Variants in BMPR1B observed in about 807,000 individuals in gnomAD.
The protein encoded by BMPR1B is bone morphogenetic protein receptor type 1B.
A neutral mutation model predicts 59.1 loss-of-function variants in BMPR1B; 12 were observed. That is an observed-to-expected ratio of 0.20 (90% CI 0.13 to 0.33). The LOEUF (loss-of-function observed/expected upper bound fraction) is 0.33. Ranked by LOEUF, BMPR1B falls within the 10% of genes least tolerant of loss-of-function variation. BMPR1B has a pLI of 1.00. For synonymous variants in BMPR1B, 237 were observed against 207.3 expected, an observed-to-expected ratio of 1.14 and a Z score of -1.23; for missense variants, 550 against 610.9, an observed-to-expected ratio of 0.90 and a Z score of 1.05.
At chr4:95,080,322 C>T (rs762680848) in intron 3 of BMPR1B, among the ~76,000 whole-genome samples, 1 of 151,924 alleles carries the variant, frequency 6.6e-6, no homozygotes, top group Non-Finnish European at 1.5e-5. Context: ...CTGCAACCTC[C>T]ACCTCCTGGG....
chr4:94,814,970 CT>C (rs1409062878), intron 1 of BMPR1B, among the ~76,000 whole-genome samples: 1 of 152,046 alleles, frequency 6.6e-6, no homozygotes, highest in Admixed American at 6.5e-5. Flanking sequence ...ATGGCGCCAT[CT>C]TGGCTCACTG....
chr4:94,861,882 G>A (rs1177313705), intron 1 of BMPR1B, among the ~76,000 whole-genome samples: 2 of 152,110 alleles, frequency 1.3e-5, no homozygotes, highest in African/African-American at 2.4e-5. Flanking sequence ...TTTACATTGT[G>A]TATTCTCTGA....
chr4:94,937,990 T>A (rs1729384013), intron 2 of BMPR1B, among the ~76,000 whole-genome samples: 1 of 152,222 alleles, frequency 6.6e-6, no homozygotes, highest in South Asian at 2.1e-4. Context: ...AGGCAGATGT[T>A]GATCATTTTA....
At chr4:95,127,469 GA>G (rs972200484) in intron 8 of BMPR1B, among the ~76,000 whole-genome samples, 17 of 151,762 alleles carry the variant, frequency 1.1e-4, no homozygotes, top group South Asian at 1.0e-3. Context: ...ATTATCGTTA[GA>G]AAAAAAAGCA....
At chr4:94,912,934 T>A (rs1728341663) in intron 2 of BMPR1B, among the ~76,000 whole-genome samples, 1 of 151,912 alleles carries the variant, frequency 6.6e-6, no homozygotes, top group Admixed American at 6.6e-5. Flanking sequence ...ATTCTGATTT[T>A]CCTTCATTTC....
At chr4:94,804,061 G>A (rs899771065) in intron 1 of BMPR1B, among the ~76,000 whole-genome samples, 8 of 152,026 alleles carry the variant, frequency 5.3e-5, no homozygotes, top group Admixed American at 2.6e-4. Context: ...TGTATTTTTA[G>A]TAGAGATGGG....
At chr4:94,930,031 C>T (rs1389666848) in intron 2 of BMPR1B, among the ~76,000 whole-genome samples, 1 of 152,066 alleles carries the variant, frequency 6.6e-6, no homozygotes, top group Non-Finnish European at 1.5e-5. Context: ...CTCCTTAATA[C>T]TTCTCAGGTA....
intron 1 of BMPR1B, among the ~76,000 whole-genome samples, chr4:94,760,722 G>T (rs1721729816): frequency 6.6e-6 from 1 of 152,174 alleles, no homozygotes; most frequent in Non-Finnish European, 1.5e-5. Context: ...TTATCTCATT[G>T]AGGTGAGATA....
In BMPR1B at chr4:95,104,908, T is replaced by TTTTGTTTG. The variant is rs3841975; in HGVS notation, c.143+361_143+368dup. Among the ~76,000 whole-genome samples the TTTTGTTTG allele has an allele frequency of 2.2e-3, 337 of 151,430 alleles. 2 individuals are homozygous for TTTTGTTTG. Among genetic ancestry groups the TTTTGTTTG allele is most frequent in the African/African-American group, 8.0e-3 (329 of 41,234 alleles). On this transcript the variant is annotated intron_variant, in intron 4 of 12. Transcript: ENST00000515059. ...ATCAGAGGCTGTCAAATGCGTGTGA[T>TTTTGTTTG]TTTGTTTGTTTGTTTGTTTGTTTGT...
intron 3 of BMPR1B, among the ~76,000 whole-genome samples, chr4:95,098,549 A>G (rs2149258645): frequency 6.6e-6 from 1 of 150,866 alleles, no homozygotes; most frequent in African/African-American, 2.4e-5. Context: ...TTTTATTTTT[A>G]CTTATTTATT....
intron 1 of BMPR1B, among the ~76,000 whole-genome samples, chr4:94,801,529 T>C (rs1227604755): frequency 6.6e-6 from 1 of 152,192 alleles, no homozygotes; most frequent in Non-Finnish European, 1.5e-5. Flanking sequence ...TAACATTAGC[T>C]GCTGTTAGAT....
chr4:95,060,482 G>T (rs148231498), intron 3 of BMPR1B, among the ~76,000 whole-genome samples: 37 of 152,302 alleles, frequency 2.4e-4, no homozygotes, highest in African/African-American at 8.9e-4. Context: ...CAATGATGAA[G>T]AAGGGATAAG....
Position 94,916,374 on chromosome 4 carries a change from C to T in BMPR1B, c.-113+40474C>T, listed in dbSNP as rs145134128. ...CTGATAGTGATATGTACAGTGAAGG[C>T]CAGGCTGCCGAGGTCTCAAATGGAA... On this transcript the variant is annotated intron_variant, in intron 2 of 12. Coordinates refer to ENST00000515059, the MANE Select transcript of BMPR1B (RefSeq NM_001203.3). Among the ~76,000 whole-genome samples the T allele has an allele frequency of 6.4e-3, 981 of 152,252 alleles. 6 individuals are homozygous for T. Among genetic ancestry groups the T allele is most frequent in the Middle Eastern group, 0.01 (3 of 294 alleles).
chr4:94,979,095 A>G (rs1001973929), intron 2 of BMPR1B, among the ~76,000 whole-genome samples: 7 of 152,250 alleles, frequency 4.6e-5, no homozygotes, highest in African/African-American at 1.7e-4. Flanking sequence ...CATGAGAACA[A>G]CACAGGAAAA....
intron 4 of BMPR1B, among the ~76,000 whole-genome samples, chr4:95,107,622 A>T (rs1022042246): frequency 5.9e-5 from 9 of 152,084 alleles, no homozygotes; most frequent in Admixed American, 1.3e-4. Flanking sequence ...TATTCATTAT[A>T]ACATTCCTAT....
intron 3 of BMPR1B, among the ~76,000 whole-genome samples, chr4:95,046,209 G>A (rs1351694615): frequency 1.3e-5 from 2 of 151,916 alleles, no homozygotes; most frequent in African/African-American, 4.8e-5. Flanking sequence ...CACTGTGTCC[G>A]GCTTTAATTG....
At chr4:95,002,981 G>A (rs1237133339) in intron 3 of BMPR1B, among the ~76,000 whole-genome samples, 1 of 150,458 alleles carries the variant, frequency 6.6e-6, no homozygotes, top group Non-Finnish European at 1.5e-5. Flanking sequence ...TTCTGGTTTA[G>A]AATGTTCCTT....
In BMPR1B at chr4:94,957,034, A is replaced by G. The variant is rs185860210; in HGVS notation, c.-112-39006A>G. On this transcript the variant is annotated intron_variant, in intron 2 of 12. Transcript: ENST00000515059. ...ACTATGTTGATACACACAGCATTCA[A>G]TGACTGTTACTGGTTTATTCATTTG... 1.2e-3 allele frequency among the ~76,000 whole-genome samples: 183 copies of G among 152,332 alleles called. 4 individuals carry two copies. Among genetic ancestry groups the G allele is most frequent in the African/African-American group, 4.3e-3 (178 of 41,566 alleles).
intron 3 of BMPR1B, among the ~76,000 whole-genome samples, chr4:95,082,370 A>G (rs1729226572): frequency 6.6e-6 from 1 of 152,084 alleles, no homozygotes; most frequent in Admixed American, 6.5e-5. Context: ...CGCAGAGCAC[A>G]GAGCTTTACT....
Sources: gnomAD v4.1 joint callset for allele counts (sites outside exome capture counted in the v4.1 genomes callset) on GRCh38, gnomAD v4.1.1 for gene constraint, MANE v1.5 for transcripts, NCBI Gene and HGNC (gene_info 2026-07-23, HGNC 2026-07-21) for gene names.